Variants in DOCK11 observed in about 807,000 individuals in gnomAD.
The protein encoded by DOCK11 is dedicator of cytokinesis protein 11.
In DOCK11, 70 loss-of-function variants were observed where a neutral mutation model predicts 169.1. The ratio of observed to expected loss-of-function variants is 0.41; its 90% CI spans 0.34 to 0.51. The LOEUF is 0.51. Ranked by LOEUF, DOCK11 falls within the 20% of genes least tolerant of loss-of-function variation. The pLI, the probability that DOCK11 is intolerant of heterozygous loss-of-function variation, is 0.10. For missense variants in DOCK11, 1,166 were observed against 1,538.8 expected (o/e 0.76, Z 4.05); for synonymous variants, 529 against 541.3 (o/e 0.98, Z 0.32).
chrX:118,513,795 G>A (rs2057665379), intron 1 of DOCK11, among the ~76,000 whole-genome samples: 1 of 111,397 alleles, frequency 9.0e-6, no homozygotes, highest in African/African-American at 3.3e-5. Context: ...CAGTTTAATC[G>A]ATGATTTTGC....
intron 11 of DOCK11, among the ~76,000 whole-genome samples, chrX:118,572,833 A>G (rs1367634897): frequency 8.9e-6 from 1 of 111,762 alleles, no homozygotes; most frequent in Admixed American, 9.5e-5. Context: ...TAGCAGATAG[A>G]GTAGGCTCTT....
chrX:118,638,357 G>A (rs1825783313), intron 37 of DOCK11, among the ~76,000 whole-genome samples: 1 of 112,155 alleles, frequency 8.9e-6, no homozygotes, highest in Admixed American at 9.5e-5. Flanking sequence ...CTTGTGAGAT[G>A]CTTATCTTTT....
intron 41 of DOCK11, 40 bp from the exon 42 acceptor site, chrX:118,651,924 C>A: frequency 9.8e-7 from 1 of 1,019,029 alleles, no homozygotes; most frequent in South Asian, 2.1e-5. Context: ...AGCATTTGTT[C>A]AAAAGTTATT....
chrX:118,510,629 C>T (rs1288928334), intron 1 of DOCK11, among the ~76,000 whole-genome samples: 1 of 110,437 alleles, frequency 9.1e-6, no homozygotes, highest in East Asian at 2.8e-4. Context: ...GGGGGGTCAG[C>T]GGGGAGGTGT....
chrX:118,506,184 G>T (rs12556417), intron 1 of DOCK11, among the ~76,000 whole-genome samples: 27,595 of 107,796 alleles, frequency 0.26, 3,015 homozygotes, highest in Middle Eastern at 0.4. Context: ...GAGCCCAGGA[G>T]TTCGAGGCTG....
rs1195403352 is a variant in DOCK11 at position 118,616,254 on chromosome X, G to T, written c.3292+543G>T. The T allele has an allele frequency of 4.2e-6, 4 of 948,701 alleles. No homozygotes were observed. In the East Asian group the frequency reaches 2.3e-4, roughly 55 times the overall value. The allele number at this position is 948,701 out of a possible 1,213,427, so 78.2% of individuals were successfully genotyped here. On this transcript the variant is annotated intron_variant, in intron 30 of 52. Transcript: ENST00000276202. ...TGACTTCAGTAGGTAGGTTTAACTC[G>T]GTTCACTCTAAATTAGCTTGCTGTT...
intron 42 of DOCK11, among the ~76,000 whole-genome samples, chrX:118,652,770 G>C (rs2015976254): frequency 8.9e-6 from 1 of 112,199 alleles, no homozygotes; most frequent in African/African-American, 3.2e-5. Context: ...TTTGCCAATA[G>C]GACTTTTCCT....
intron 23 of DOCK11, among the ~76,000 whole-genome samples, chrX:118,603,838 G>C (rs1178140060): frequency 8.9e-6 from 1 of 112,079 alleles, no homozygotes; most frequent in Non-Finnish European, 1.9e-5. Flanking sequence ...ACGATGAACA[G>C]ACACAAAGGC....
chrX:118,672,906 A>G (rs1234345827), intron 46 of DOCK11, among the ~76,000 whole-genome samples: 2 of 112,276 alleles, frequency 1.8e-5, no homozygotes, highest in Admixed American at 1.9e-4. Flanking sequence ...TCTCTCTGCC[A>G]TACTTTTGGT....
chrX:118,630,508 T>G lies in DOCK11; in HGVS notation c.3886+18T>G. 3 of 1,069,315 alleles carry G rather than the reference T, an allele frequency of 2.8e-6. No homozygotes were observed. The highest frequency in any genetic ancestry group is 3.9e-6 in the Non-Finnish European group (3 of 767,512). 88.1% of individuals were successfully genotyped at this position (1,069,315 alleles called of 1,213,427 possible). On this transcript the variant is annotated intron_variant, in intron 35 of 52. Transcript: ENST00000276202. ...TTCAGAAGGTGAGTTACCATCATAT[T>G]AAGCATGGACTGTACTAGACATACA...
intron 48 of DOCK11, among the ~76,000 whole-genome samples, chrX:118,678,961 G>T (rs2016676212): frequency 1.8e-5 from 2 of 109,761 alleles, no homozygotes; most frequent in Admixed American, 9.7e-5. Flanking sequence ...TGGGGTTTTT[G>T]TGTGTGTGTG....
Position 118,495,954 on chromosome X carries a change from C to T in DOCK11, c.-18C>T, listed in dbSNP as rs949440317. On this transcript the variant is annotated 5_prime_UTR_variant, in exon 1 of 53. Transcript: ENST00000276202. ...CCGAGGTCCGCCCGCCCGCCGAGAC[C>T]CGCCCGCCGCCGCTGCCATGGCCGA... 6 of 1,051,884 alleles carry T rather than the reference C, an allele frequency of 5.7e-6. No individual in the cohort carries two copies. In the Admixed American group the frequency reaches 1.0e-4, roughly 18 times the overall value. 86.7% of individuals were successfully genotyped at this position (1,051,884 alleles called of 1,213,427 possible).
Position 118,588,318 on chromosome X carries a change from C to T in DOCK11, c.1977C>T (p.Ala659=), listed in dbSNP as rs762072875. 1 of 1,168,820 alleles carries T rather than the reference C, an allele frequency of 8.6e-7. No individual in the cohort carries two copies. The highest frequency in any genetic ancestry group is 2.1e-5 in the South Asian group (1 of 48,598). ...AATACGATAGCCAGAAAACATTTGC[C>T]AAGGTAACCATGTAAACTATACATT... ...QLKYDSQKTF[A]KARNIAVCVE... Residue 659 remains alanine, a synonymous_variant, in exon 17 of 53, where the codon GCC becomes GCT. Transcript: ENST00000276202.
chrX:118,672,893 T>C (rs1018322409), intron 46 of DOCK11, among the ~76,000 whole-genome samples: 13 of 112,261 alleles, frequency 1.2e-4, no homozygotes, highest in Non-Finnish European at 2.4e-4. Context: ...TTCTAGGTCT[T>C]CCTCTCTCTG....
In DOCK11 at chrX:118,573,926, A is replaced by G. The variant is rs374375817; in HGVS notation, c.1297A>G (p.Thr433Ala). The stretch of plus-strand genomic sequence containing the variant: ...CCGTGAAATGCTGTGGGGCTCTTCA[A>G]CCCAACTGGCCAGTGACGGTAGCCC... The part of the protein sequence containing the change: ...SVREMLWGSS[T>A]QLASDGSPKG... The change falls in exon 12 of 53, where the codon ACC (threonine) becomes GCC (alanine). Residue 433 changes from threonine (T) to alanine (A), a missense_variant. By Grantham distance (58) the Thr-to-Ala change is moderately conservative (BLOSUM62 0). Coordinates refer to ENST00000276202, the MANE Select transcript of DOCK11 (RefSeq NM_144658.4). 1.1e-5 allele frequency: 13 copies of G among 1,209,986 alleles called. No homozygotes were observed. The highest frequency in any genetic ancestry group is 1.5e-5 in the Non-Finnish European group (13 of 895,272).
In DOCK11 at chrX:118,639,493, C is replaced by T; in HGVS notation, c.4060C>T (p.Pro1354Ser). Reference sequence around the variant, plus strand: ...AATAGACCGAAAATCGCAAACCATGCCTGCTCTTCGAAACAGATCAGGAGT... The same window carrying T: ...AATAGACCGAAAATCGCAAACCATGTCTGCTCTTCGAAACAGATCAGGAGT... ...FGIDRKSQTM[P>S]ALRNRSGVMQ... The change falls in exon 38 of 53, where the codon CCT becomes TCT. Residue 1354 changes from proline to serine, a missense_variant. Pro to Ser is a moderately conservative substitution (Grantham distance 74). Coordinates refer to ENST00000276202, the MANE Select transcript of DOCK11 (RefSeq NM_144658.4). 8.3e-7 allele frequency: 1 copy of T among 1,211,148 alleles called. No individual in the cohort carries two copies. Among genetic ancestry groups the T allele is most frequent in the Non-Finnish European group, 1.1e-6 (1 of 895,080 alleles).
chrX:118,617,530 A>G (rs1438441447), intron 30 of DOCK11, among the ~76,000 whole-genome samples: 1 of 108,873 alleles, frequency 9.2e-6, no homozygotes, highest in Non-Finnish European at 1.9e-5. Flanking sequence ...ACAATCCCCT[A>G]TAAGTACTTA....
At chrX:118,607,975 G>T in intron 24 of DOCK11, 97 bp from the exon 25 acceptor site, 8 of 669,864 alleles carry the variant, frequency 1.2e-5, no homozygotes, top group Non-Finnish European at 1.8e-5. Context: ...TTCAGGCAGT[G>T]TTAGATGTTT....
intron 1 of DOCK11, among the ~76,000 whole-genome samples, chrX:118,496,773 G>A (rs2057541166): frequency 9.0e-6 from 1 of 111,523 alleles, no homozygotes; most frequent in Admixed American, 9.4e-5. Flanking sequence ...TCGGGGACAC[G>A]CGAGCGCTCC....
Sources: allele counts gnomAD v4.1 joint callset (sites outside exome capture counted in the v4.1 genomes callset), GRCh38; gene constraint gnomAD v4.1.1; transcripts MANE v1.5; gene names NCBI Gene and HGNC (gene_info 2026-07-23, HGNC 2026-07-21).